Variants in LAMA3 observed in about 807,000 individuals in gnomAD.
The protein encoded by LAMA3 is laminin subunit alpha 3.
In LAMA3, 281 loss-of-function variants were observed where a neutral mutation model predicts 402.0. The observed-to-expected ratio is 0.70, with a 90% CI of 0.63 to 0.77. The LOEUF (loss-of-function observed/expected upper bound fraction) is 0.77. Among genes scored for constraint, LAMA3 ranks in the 30% least tolerant of loss-of-function variants. The pLI is 0.00. For synonymous variants in LAMA3, 1,431 were observed against 1,558.4 expected (o/e 0.92, Z 1.93); for missense variants, 3,840 against 4,215.5 (o/e 0.91, Z 2.47).
chr18:23,944,568 A>G (rs1421498408), intron 69 of LAMA3, among the ~76,000 whole-genome samples: 1 of 152,236 alleles, frequency 6.6e-6, no homozygotes, highest in East Asian at 1.9e-4. Context: ...CAAGGTAAGA[A>G]AATGACAGAG....
At chr18:23,766,057 A>G (rs2062069524) in intron 8 of LAMA3, among the ~76,000 whole-genome samples, 1 of 152,156 alleles carries the variant, frequency 6.6e-6, no homozygotes, top group South Asian at 2.1e-4. Context: ...TGAAGAAATA[A>G]TAGTAGGAAA....
chr18:23,823,651 G>T (rs192720316), intron 20 of LAMA3, among the ~76,000 whole-genome samples: 1 of 152,252 alleles, frequency 6.6e-6, no homozygotes, highest in African/African-American at 2.4e-5. Context: ...TTAGTTCCAA[G>T]CCTGGCACAT....
intron 38 of LAMA3, among the ~76,000 whole-genome samples, chr18:23,872,463 G>A (rs1280399151): frequency 6.6e-6 from 1 of 152,158 alleles, no homozygotes; most frequent in African/African-American, 2.4e-5. Flanking sequence ...CACTCATTCT[G>A]TGTATTCCAT....
At chr18:23,757,589 G>A (rs575453685) in intron 6 of LAMA3, among the ~76,000 whole-genome samples, 1 of 152,196 alleles carries the variant, frequency 6.6e-6, no homozygotes, top group East Asian at 1.9e-4. Flanking sequence ...CTTCTGTGGA[G>A]TGGTGGCGCG....
chr18:23,944,583 G>A (rs887587531), intron 69 of LAMA3, among the ~76,000 whole-genome samples: 1 of 152,176 alleles, frequency 6.6e-6, no homozygotes, highest in Non-Finnish European at 1.5e-5. Flanking sequence ...ACAGAGCAGG[G>A]AGACTATTTT....
At position 23,824,411 on chromosome 18, in the gene LAMA3, T is replaced by C; in HGVS notation, c.2429-12T>C. 6.2e-7 allele frequency: 1 copy of C among 1,614,006 alleles called. No homozygotes were observed. Among genetic ancestry groups the C allele is most frequent in the Middle Eastern group, 1.6e-4 (1 of 6,062 alleles). The stretch of plus-strand genomic sequence containing the variant: ...GAAAAATGCCTTAAGCAGTTCTTTG[T>C]ATTTCTGATAGGTGCTGCTCAAAGC... On this transcript the variant is annotated splice_polypyrimidine_tract_variant and intron_variant, in intron 20 of 74. Transcript: ENST00000313654.
chr18:23,795,398 T>A (rs1465048896), intron 12 of LAMA3, among the ~76,000 whole-genome samples: 1 of 152,206 alleles, frequency 6.6e-6, no homozygotes, highest in Non-Finnish European at 1.5e-5. Context: ...AAATGGGCAT[T>A]TATAGTGATA....
rs889617720 is a variant in LAMA3, at chr18:23,877,840, G to A, written c.5112+1433G>A. Among the ~76,000 whole-genome samples the A allele has an allele frequency of 2.6e-5, 4 of 152,290 alleles. No homozygotes were observed. The East Asian group carries it at 7.7e-4, about 29-fold the overall frequency. On this transcript the variant is annotated intron_variant, in intron 39 of 74. Transcript: ENST00000313654. ...AAGAATAAATACGTTGGCCGGGCAC[G>A]GTGGCTCATGCCTGTAATCCCAGCA...
At chr18:23,894,762 C>A in intron 43 of LAMA3, 145 bp from the exon 44 acceptor site, 1 of 965,342 alleles carries the variant, frequency 1.0e-6, no homozygotes. Context: ...TCAGAATCCA[C>A]ATCCATCCCT....
At chr18:23,815,064 A>G (rs1005946210) in intron 15 of LAMA3, 124 bp from the exon 16 acceptor site, 4 of 827,376 alleles carry the variant, frequency 4.8e-6, no homozygotes, top group Admixed American at 3.9e-5. Context: ...GCAAACTCTC[A>G]TTCTGTTGAA....
At chr18:23,821,826 G>A (rs182194593) in intron 19 of LAMA3, among the ~76,000 whole-genome samples, 70 of 152,262 alleles carry the variant, frequency 4.6e-4, no homozygotes, top group Middle Eastern at 3.4e-3. Flanking sequence ...TATGTGAAGC[G>A]GACTCTGAAG....
chr18:23,900,787 G>A (rs1160859085), intron 47 of LAMA3, among the ~76,000 whole-genome samples: 1 of 152,128 alleles, frequency 6.6e-6, no homozygotes, highest in East Asian at 1.9e-4. Context: ...ATTCACAGTG[G>A]AAGGAGCATG....
rs561294952 is a variant in LAMA3, at chr18:23,904,652, C to T, written c.6573C>T (p.Asp2191=). ...TCAATGCCATCAAAGCGGCCGAGGA[C>T]GCAGCCAACAGGGCTGCCAGTGCAT... is the stretch of plus-strand genomic sequence containing the variant. ...NILNAIKAAE[D]AANRAASASE... Residue 2191 remains aspartate (D), a synonymous_variant, in exon 51 of 75, where the codon GAC becomes GAT. Coordinates refer to ENST00000313654, the MANE Select transcript of LAMA3 (RefSeq NM_198129.4). 7.4e-6 allele frequency: 12 copies of T among 1,613,958 alleles called. No homozygotes were observed. The highest frequency in any genetic ancestry group is 4.5e-5 in the East Asian group (2 of 44,868).
At chr18:23,751,571 G>A (rs1402519065) in intron 5 of LAMA3, among the ~76,000 whole-genome samples, 4 of 152,214 alleles carry the variant, frequency 2.6e-5, no homozygotes, top group Non-Finnish European at 5.9e-5. Flanking sequence ...TGAGGGAAGA[G>A]AGAGTATAGA....
At chr18:23,950,181 T>C (rs777885002) in intron 72 of LAMA3, 22 bp downstream of exon 72, 5 of 1,613,634 alleles carry the variant, frequency 3.1e-6, no homozygotes, top group South Asian at 1.1e-5. Context: ...TCTGATGCCA[T>C]GGGGAGGGTC....
rs1318369012 is a variant in LAMA3 at position 23,783,525 on chromosome 18, G to C, written c.1469-498G>C. Among the ~76,000 whole-genome samples, 4 of 152,124 alleles carry C rather than the reference G, an allele frequency of 2.6e-5. No homozygotes were observed. In the South Asian group the frequency reaches 8.3e-4, roughly 32 times the overall value. ...AGAGGTCCTGAGGTGGGAAAGCCCT[G>C]GATAGAGGTACTAGAAGCAGCCTGG... is the stretch of plus-strand genomic sequence containing the variant. On this transcript the variant is annotated intron_variant, in intron 11 of 74. Coordinates refer to ENST00000313654, the MANE Select transcript of LAMA3 (RefSeq NM_198129.4).
At chr18:23,932,606 A>G in intron 66 of LAMA3, 1 of 345,700 alleles carries the variant, frequency 2.9e-6, no homozygotes, top group Non-Finnish European at 5.6e-6. Context: ...AGATTGTGCA[A>G]TTAGATTTAA....
Position 23,839,617 on chromosome 18 carries a change from G to C in LAMA3, c.3192-168G>C, listed in dbSNP as rs1455311982. ...GGAACAGGTGGCTGGAATACACTTG[G>C]CATGAGTATCATTATATAAAGATCC... On this transcript the variant is annotated intron_variant, in intron 26 of 74. Transcript: ENST00000313654. This position sits in a 1 kb window ranked among gnomAD's most constrained non-coding sequence, Gnocchi z 4.5. Among the ~76,000 whole-genome samples the C allele has an allele frequency of 6.6e-6, 1 of 152,124 alleles. No individual in the cohort carries two copies. Among genetic ancestry groups the C allele is most frequent in the Non-Finnish European group, 1.5e-5 (1 of 68,028 alleles).
chr18:23,847,267 C>T (rs898245480), intron 31 of LAMA3, among the ~76,000 whole-genome samples, 197 bp from the exon 32 acceptor site: 1 of 152,210 alleles, frequency 6.6e-6, no homozygotes, highest in African/African-American at 2.4e-5. Flanking sequence ...ATCTGGCTGG[C>T]TCCTCAATCC....
Sources: allele counts gnomAD v4.1 joint callset (sites outside exome capture counted in the v4.1 genomes callset), GRCh38; gene constraint gnomAD v4.1.1; non-coding constraint Gnocchi (gnomAD v3.1); transcripts MANE v1.5; gene names NCBI Gene and HGNC (gene_info 2026-07-23, HGNC 2026-07-21).